Variants in CHSY3 observed in about 807,000 individuals in gnomAD.
CHSY3 encodes the protein N-acetylgalactosaminyl-proteoglycan 3-beta-glucuronosyltransferase 3.
In CHSY3, 35 loss-of-function variants were observed where a neutral mutation model predicts 67.2. The observed-to-expected ratio is 0.52, with a 90% confidence interval of 0.40 to 0.69. The LOEUF (loss-of-function observed/expected upper bound fraction) is 0.69, where lower values mean the gene tolerates loss of function less well. CHSY3 is among the 30% of genes least tolerant of loss of function. The pLI, the probability that CHSY3 is intolerant of heterozygous loss-of-function variation, is 0.00. For missense variants in CHSY3, 1,069 were observed against 1,138.5 expected (o/e 0.94, Z 0.88); for synonymous variants, 474 against 434.7 (o/e 1.09, Z -1.12).
intron 2 of CHSY3, among the ~76,000 whole-genome samples, chr5:129,946,276 G>C (rs1761853180): frequency 6.6e-6 from 1 of 152,134 alleles, no homozygotes; most frequent in African/African-American, 2.4e-5. Context: ...TTTAAGGTCA[G>C]ATTAGGGGAT....
chr5:129,914,321 C>T (rs530805295), intron 2 of CHSY3, among the ~76,000 whole-genome samples: 95 of 152,256 alleles, frequency 6.2e-4, no homozygotes, highest in African/African-American at 2.2e-3. Flanking sequence ...CCATGTTGGT[C>T]AGGATGGCCT....
At chr5:130,178,253 A>ATATATATATATATATATAT (rs1205782386) in intron 2 of CHSY3, among the ~76,000 whole-genome samples, 1 of 45,910 alleles carries the variant, frequency 2.2e-5, no homozygotes, top group African/African-American at 1.0e-4. Flanking sequence ...ATATATATAT[A>ATATATATATATATATATAT]TTTTTTTTTT....
intron 2 of CHSY3, among the ~76,000 whole-genome samples, chr5:130,158,702 T>C (rs777023412): frequency 6.6e-6 from 1 of 152,248 alleles, no homozygotes; most frequent in African/African-American, 2.4e-5. Flanking sequence ...AAACTTATTC[T>C]AGAGTTTTTG....
chr5:129,993,547 G>C (rs960067229), intron 2 of CHSY3, among the ~76,000 whole-genome samples: 1 of 150,878 alleles, frequency 6.6e-6, no homozygotes, highest in African/African-American at 2.4e-5. Context: ...CCTTTTTTTT[G>C]TTTTCCATTT....
chr5:130,027,299 A>G (rs1006906153), intron 2 of CHSY3, among the ~76,000 whole-genome samples: 1 of 152,108 alleles, frequency 6.6e-6, no homozygotes, highest in South Asian at 2.1e-4. Flanking sequence ...TAAAAGGAGA[A>G]TATAGCTAGG....
chr5:130,146,162 T>C (rs965689199), intron 2 of CHSY3, among the ~76,000 whole-genome samples: 3 of 152,174 alleles, frequency 2.0e-5, no homozygotes, highest in African/African-American at 7.2e-5. Flanking sequence ...ATGTTTATTG[T>C]AGCACTATTT....
chr5:130,168,675 G>A (rs1769816141), intron 2 of CHSY3, among the ~76,000 whole-genome samples: 1 of 151,892 alleles, frequency 6.6e-6, no homozygotes, highest in Non-Finnish European at 1.5e-5. Flanking sequence ...AGCTAGTTTT[G>A]GAGGGCATAT....
intron 2 of CHSY3, among the ~76,000 whole-genome samples, chr5:130,129,984 C>A (rs1446246643): frequency 1.3e-5 from 2 of 152,062 alleles, no homozygotes; most frequent in Non-Finnish European, 2.9e-5. Flanking sequence ...AATATCGTTA[C>A]AATTATTTAA....
rs33917 is a variant in CHSY3 at position 129,905,279 on chromosome 5, G to A, written c.450G>A (p.Pro150=). Reference sequence around the variant, plus strand: ...CTGGGCAGCGGAGAGACGGCCGGCCGGGGAGTAGCCACAACGGCAGCGGGG... The same window carrying A: ...CTGGGCAGCGGAGAGACGGCCGGCCAGGGAGTAGCCACAACGGCAGCGGGG... ...GAAGQRRDGR[P]GSSHNGSGDG... The change falls in exon 1 of 3, where the codon CCG becomes CCA. Residue 150 remains proline, a synonymous_variant. Coordinates refer to ENST00000305031, the MANE Select transcript of CHSY3 (RefSeq NM_175856.5). 5 of 1,470,452 alleles carry A rather than the reference G, an allele frequency of 3.4e-6. No individual in the cohort carries two copies. The highest frequency in any genetic ancestry group is 2.5e-5 in the East Asian group (1 of 39,548). 91.1% of individuals were successfully genotyped at this position (1,470,452 alleles called of 1,614,324 possible). A position where few individuals can be genotyped will look rare whatever the true frequency, so the allele number is the denominator to read the frequency against.
chr5:130,097,778 C>T (rs1178715337), intron 2 of CHSY3, among the ~76,000 whole-genome samples: 5 of 152,176 alleles, frequency 3.3e-5, no homozygotes, highest in East Asian at 1.9e-4. Flanking sequence ...CCGAGGCGGG[C>T]GGATCACAAG....
intron 2 of CHSY3, among the ~76,000 whole-genome samples, chr5:130,108,403 T>A (rs1767480585): frequency 6.6e-6 from 1 of 151,550 alleles, no homozygotes; most frequent in African/African-American, 2.4e-5. Flanking sequence ...ATCCAGAGTC[T>A]GTGCAAAGTA....
chr5:130,019,914 G>A (rs1221868364), intron 2 of CHSY3, among the ~76,000 whole-genome samples: 1 of 152,114 alleles, frequency 6.6e-6, no homozygotes, highest in Non-Finnish European at 1.5e-5. Flanking sequence ...GAAAATGTTA[G>A]GGATTTGCAT....
At chr5:129,955,061 T>C (rs535623262) in intron 2 of CHSY3, among the ~76,000 whole-genome samples, 7 of 151,950 alleles carry the variant, frequency 4.6e-5, no homozygotes, top group Non-Finnish European at 1.0e-4. Context: ...TATAGACGGG[T>C]TTTCACCATG....
rs369832115 is a variant in CHSY3 at position 130,185,075 on chromosome 5, T to C, written c.1933T>C (p.Cys645Arg). 6.9e-6 allele frequency: 11 copies of C among 1,604,612 alleles called. No individual in the cohort carries two copies. Among genetic ancestry groups the C allele is most frequent in the African/African-American group, 2.7e-5 (2 of 74,748 alleles). The stretch of plus-strand genomic sequence containing the variant: ...ATTCATGGAGAACTTTGAAAACATG[T>C]GTCTTATCCCAAAGCAGAATGTAAA... ...LRFMENFENM[C>R]LIPKQNVKLV... Residue 645 changes from cysteine to arginine, a missense_variant, in exon 3 of 3, where the codon TGT (cysteine) becomes CGT (arginine). Cys to Arg is a radical substitution (Grantham distance 180). Coordinates refer to ENST00000305031, the MANE Select transcript of CHSY3 (RefSeq NM_175856.5).
chr5:129,905,278 C>T lies in CHSY3; in HGVS notation c.449C>T (p.Pro150Leu), dbSNP rs1760221857. The T allele has an allele frequency of 6.8e-7, 1 of 1,461,904 alleles. No individual in the cohort carries two copies. Among genetic ancestry groups the T allele is most frequent in the African/African-American group, 1.4e-5 (1 of 70,038 alleles). The allele number at this position is 1,461,904 out of a possible 1,614,324, so 90.6% of individuals were successfully genotyped here. ...GCTGGGCAGCGGAGAGACGGCCGGCCGGGGAGTAGCCACAACGGCAGCGGG... is the reference window on the plus strand; with the variant it reads ...GCTGGGCAGCGGAGAGACGGCCGGCTGGGGAGTAGCCACAACGGCAGCGGG... ...GAAGQRRDGRPGSSHNGSGDG... is the reference protein window; with the variant it reads ...GAAGQRRDGRLGSSHNGSGDG... Residue 150 changes from proline to leucine, a missense_variant, in exon 1 of 3, where the codon CCG (proline) becomes CTG (leucine). By Grantham distance (98) the Pro-to-Leu change is moderately conservative (BLOSUM62 -3). Around this residue, in one of 5 missense-constraint regions of CHSY3, gnomAD observed 309 missense variants for 262.5 expected, o/e 1.18. Transcript: ENST00000305031.
intron 2 of CHSY3, among the ~76,000 whole-genome samples, chr5:130,019,341 T>G (rs569070199): frequency 6.6e-6 from 1 of 152,262 alleles, no homozygotes; most frequent in South Asian, 2.1e-4. Flanking sequence ...TCTCTGTGAA[T>G]GGCAACATCA....
chr5:129,973,365 T>A (rs1762701526), intron 2 of CHSY3, among the ~76,000 whole-genome samples: 1 of 152,134 alleles, frequency 6.6e-6, no homozygotes, highest in Non-Finnish European at 1.5e-5. Context: ...CATATTCAAA[T>A]GAACTGAGAA....
At chr5:129,986,543 A>C (rs1193841724) in intron 2 of CHSY3, among the ~76,000 whole-genome samples, 1 of 152,192 alleles carries the variant, frequency 6.6e-6, no homozygotes, top group African/African-American at 2.4e-5. Flanking sequence ...GCCACATAGA[A>C]TGATTTAGGG....
chr5:130,163,047 T>G (rs1465417318), intron 2 of CHSY3, among the ~76,000 whole-genome samples: 1 of 152,178 alleles, frequency 6.6e-6, no homozygotes, highest in Non-Finnish European at 1.5e-5. Context: ...CATCATGCAC[T>G]TCGTGATGCC....
Sources: gnomAD v4.1 joint callset for allele counts (sites outside exome capture counted in the v4.1 genomes callset) on GRCh38, gnomAD v4.1.1 for gene constraint, gnomAD v4.1.1 regional missense constraint, MANE v1.5 for transcripts, NCBI Gene and HGNC (gene_info 2026-07-23, HGNC 2026-07-21) for gene names.